CNTNAP5: variants seen among roughly 807,000 people sequenced by gnomAD.
CNTNAP5 encodes contactin associated protein family member 5.
Under a neutral mutation model 150.2 loss-of-function variants are expected in CNTNAP5, and 72 were observed. The ratio of observed to expected loss-of-function variants is 0.48; its 90% CI spans 0.40 to 0.58. The LOEUF (loss-of-function observed/expected upper bound fraction) is 0.58, where lower values mean the gene tolerates loss of function less well. Among genes scored for constraint, CNTNAP5 ranks in the 20% least tolerant of loss-of-function variants. CNTNAP5 has a pLI of 0.00. For synonymous variants in CNTNAP5, 672 were observed against 619.8 expected (o/e 1.08, Z -1.25); for missense variants, 1,636 against 1,626.2 (o/e 1.01, Z -0.10).
intron 19 of CNTNAP5, among the ~76,000 whole-genome samples, chr2:124,836,980 G>A (rs1682842597): frequency 6.6e-6 from 1 of 151,982 alleles, no homozygotes. Context: ...TCTACTAGGA[G>A]CAAAGCCCTC....
chr2:124,745,072 T>G (rs1436110227), intron 13 of CNTNAP5, among the ~76,000 whole-genome samples: 2 of 151,900 alleles, frequency 1.3e-5, no homozygotes, highest in East Asian at 3.9e-4. Flanking sequence ...CGGTGCAAGA[T>G]GTTGATGGAT....
At chr2:124,724,923 C>CTTTTTT (rs71387242) in intron 13 of CNTNAP5, among the ~76,000 whole-genome samples, 3 of 111,518 alleles carry the variant, frequency 2.7e-5, no homozygotes, top group Non-Finnish European at 3.6e-5. Context: ...ATTCCCTTAG[C>CTTTTTT]TTTTTTTTTT....
At position 124,062,801 on chromosome 2, in the gene CNTNAP5, G is replaced by T. The variant is rs1052370516; in HGVS notation, c.82+37069G>T. On this transcript the variant is annotated intron_variant, in intron 1 of 23. Coordinates refer to ENST00000682447, the MANE Select transcript of CNTNAP5 (RefSeq NM_001367498.1). ...AAAGTTAGGGTCCCTTTCTCCTTGGGAGTTTTTTTGGTGTGGTTTGTTTGT... is the reference window on the plus strand; with the variant it reads ...AAAGTTAGGGTCCCTTTCTCCTTGGTAGTTTTTTTGGTGTGGTTTGTTTGT... Among the ~76,000 whole-genome samples the T allele has an allele frequency of 9.9e-5, 15 of 152,094 alleles. 1 individual carries two copies. Among genetic ancestry groups the T allele is most frequent in the African/African-American group, 3.4e-4 (14 of 41,412 alleles).
intron 3 of CNTNAP5, among the ~76,000 whole-genome samples, chr2:124,304,808 C>T (rs570037857): frequency 6.6e-6 from 1 of 152,204 alleles, no homozygotes; most frequent in South Asian, 2.1e-4. Context: ...TTGAAGATGA[C>T]CTCATTCATT....
chr2:124,254,593 A>G (rs752024203), intron 3 of CNTNAP5, among the ~76,000 whole-genome samples: 6 of 152,190 alleles, frequency 3.9e-5, no homozygotes, highest in Non-Finnish European at 7.3e-5. Context: ...AAATTTAACA[A>G]TGACCAGATT....
At chr2:124,316,831 A>G (rs986519946) in intron 3 of CNTNAP5, among the ~76,000 whole-genome samples, 1 of 150,378 alleles carries the variant, frequency 6.6e-6, no homozygotes, top group Non-Finnish European at 1.5e-5. Flanking sequence ...AAAAAAAAGA[A>G]AAAGAAAAAA....
intron 1 of CNTNAP5, among the ~76,000 whole-genome samples, chr2:124,131,028 A>G (rs1196314042): frequency 2.6e-5 from 4 of 152,148 alleles, no homozygotes; most frequent in Non-Finnish European, 5.9e-5. Context: ...CCATTTGTGG[A>G]GTTTGATTTT....
At chr2:124,527,063 T>C (rs1405244818) in intron 9 of CNTNAP5, among the ~76,000 whole-genome samples, 8 of 152,196 alleles carry the variant, frequency 5.3e-5, no homozygotes, top group African/African-American at 1.9e-4. Context: ...GTATTCCCTT[T>C]GCCACGCTTT....
intron 3 of CNTNAP5, among the ~76,000 whole-genome samples, chr2:124,404,334 T>G (rs1691513517): frequency 6.6e-6 from 1 of 152,220 alleles, no homozygotes; most frequent in African/African-American, 2.4e-5. Flanking sequence ...ACTTGTAATC[T>G]CACTGCCAGT....
intron 13 of CNTNAP5, among the ~76,000 whole-genome samples, chr2:124,732,511 G>A (rs72978593): frequency 0.013 from 1,965 of 152,076 alleles, 60 homozygotes; most frequent in African/African-American, 0.045. Flanking sequence ...CTTCTACCTC[G>A]CAAGGACACA....
intron 3 of CNTNAP5, among the ~76,000 whole-genome samples, chr2:124,265,695 A>G (rs1396091445): frequency 1.3e-5 from 2 of 152,026 alleles, no homozygotes; most frequent in Non-Finnish European, 2.9e-5. Context: ...TTCTGACATG[A>G]AATTGGAGGT....
chr2:124,311,725 GT>G (rs1476366554), intron 3 of CNTNAP5, among the ~76,000 whole-genome samples: 1 of 152,128 alleles, frequency 6.6e-6, no homozygotes, highest in East Asian at 1.9e-4. Flanking sequence ...ATTTGTACAA[GT>G]CACCTGACGG....
intron 12 of CNTNAP5, among the ~76,000 whole-genome samples, chr2:124,641,571 T>G (rs1450777061): frequency 6.6e-6 from 1 of 152,194 alleles, no homozygotes; most frequent in Non-Finnish European, 1.5e-5. Context: ...GACAGTACTT[T>G]GAGGATTATT....
chr2:124,104,331 A>G (rs747901762), intron 1 of CNTNAP5, among the ~76,000 whole-genome samples: 1 of 152,110 alleles, frequency 6.6e-6, no homozygotes, highest in Non-Finnish European at 1.5e-5. Flanking sequence ...TTTTCCATAA[A>G]TATCAGTAAG....
chr2:124,593,118 T>A (rs935738573), intron 11 of CNTNAP5, among the ~76,000 whole-genome samples: 1 of 118,008 alleles, frequency 8.5e-6, no homozygotes, highest in African/African-American at 2.9e-5. Context: ...TTTATTTATT[T>A]ATTTATTTAT....
intron 19 of CNTNAP5, among the ~76,000 whole-genome samples, chr2:124,834,742 C>T (rs950206580): frequency 1.3e-5 from 2 of 151,826 alleles, no homozygotes; most frequent in African/African-American, 2.4e-5. Flanking sequence ...TCCTCAACAC[C>T]TTCCTCTATA....
chr2:124,407,991 A>C (rs1006208803), intron 3 of CNTNAP5, among the ~76,000 whole-genome samples: 3 of 152,132 alleles, frequency 2.0e-5, no homozygotes, highest in Non-Finnish European at 2.9e-5. Context: ...CTCACTAGGG[A>C]GTGCCAGACA....
At chr2:124,827,898 C>T (rs1434042871) in intron 19 of CNTNAP5, among the ~76,000 whole-genome samples, 1 of 152,146 alleles carries the variant, frequency 6.6e-6, no homozygotes, top group African/African-American at 2.4e-5. Context: ...TGGACCAAGG[C>T]TCTTCGTATC....
At chr2:124,402,568 C>G (rs1691454887) in intron 3 of CNTNAP5, among the ~76,000 whole-genome samples, 1 of 152,148 alleles carries the variant, frequency 6.6e-6, no homozygotes, top group Admixed American at 6.5e-5. Context: ...TTTCTCTAAT[C>G]TGGAGGTCAT....
Sources: allele counts gnomAD v4.1 joint callset (sites outside exome capture counted in the v4.1 genomes callset), GRCh38; gene constraint gnomAD v4.1.1; transcripts MANE v1.5; gene names NCBI Gene and HGNC (gene_info 2026-07-23, HGNC 2026-07-21).